CAPN2: variants seen among roughly 807,000 people sequenced by gnomAD.
The protein encoded by CAPN2 is calpain 2.
In CAPN2, 92 loss-of-function variants were observed where a neutral mutation model predicts 102.3. The observed-to-expected ratio is 0.90, with a 90% confidence interval of 0.76 to 1.07. The LOEUF (loss-of-function observed/expected upper bound fraction) is 1.07. CAPN2 is among the 50% of genes least tolerant of loss of function. The probability of loss-of-function intolerance (pLI) is 0.00; values close to 1 mark genes in which losing one functional copy is unlikely to be tolerated. For missense variants in CAPN2, 800 were observed against 909.4 expected (o/e 0.88, Z 1.55); for synonymous variants, 340 against 355.4 (o/e 0.96, Z 0.49).
At chr1:223,712,155 G>A (rs1004579422), upstream of CAPN2, among the ~76,000 whole-genome samples, 2 of 152,232 alleles carry the variant, frequency 1.3e-5, no homozygotes, top group African/African-American at 4.8e-5. Context: ...TTAAGACGCT[G>A]TTTGGCACAA....
chr1:223,712,990 C>T, intron 1 of CAPN2, 113 bp downstream of exon 1: 1 of 731,280 alleles, frequency 1.4e-6, no homozygotes, highest in Non-Finnish European at 1.9e-6. Flanking sequence ...AGTGGGGAAG[C>T]CGCAAGCCAG....
At chr1:223,736,824 C>T (rs932656409) in intron 2 of CAPN2, among the ~76,000 whole-genome samples, 1 of 152,136 alleles carries the variant, frequency 6.6e-6, no homozygotes, top group African/African-American at 2.4e-5. Flanking sequence ...TCAGGAGGAT[C>T]ACTTGAGACC....
At position 223,759,048 on chromosome 1, in the gene CAPN2, A is replaced by T. The variant is rs192864436; in HGVS notation, c.1318-222A>T. On this transcript the variant is annotated intron_variant, in intron 11 of 20. Transcript: ENST00000295006. The surrounding 1 kb of genome is among the most constrained non-coding windows in gnomAD (Gnocchi z 4.6). ...ATTGTCACTGTACTGCTATTTTTTT[A>T]AAAAAATTTTGTTGTTTTGTTGTTG... 1.0e-2 allele frequency: 5,717 copies of T among 572,398 alleles called. 68 individuals are homozygous for T. The highest frequency in any genetic ancestry group is 0.043 in the African/African-American group (2,309 of 53,280). The allele number at this position is 572,398 out of a possible 1,614,324, so 35.5% of individuals were successfully genotyped here. A position where few individuals can be genotyped will look rare whatever the true frequency, so the allele number is the denominator to read the frequency against.
intron 1 of CAPN2, 92 bp downstream of exon 1, chr1:223,712,969 C>G: frequency 1.1e-6 from 1 of 944,648 alleles, no homozygotes; most frequent in Non-Finnish European, 1.4e-6. Flanking sequence ...GGGGGGCAGC[C>G]CGGGTGCTGC....
intron 20 of CAPN2, 84 bp downstream of exon 20, chr1:223,772,323 T>C: frequency 1.6e-6 from 2 of 1,259,902 alleles, no homozygotes; most frequent in East Asian, 2.3e-5. Context: ...GATCTGCTTT[T>C]TCAAGTTTTG....
In CAPN2 at chr1:223,755,808, C is replaced by T. The variant is rs1661021554; in HGVS notation, c.1305+159C>T. Among the ~76,000 whole-genome samples the T allele has an allele frequency of 1.3e-5, 2 of 152,214 alleles. No homozygotes were observed. Among genetic ancestry groups the T allele is most frequent in the South Asian group, 4.1e-4 (2 of 4,830 alleles). ...CCAGCCTGGCCAGGCTCAGGAGTAG[C>T]CCCCGTAGGGAGGCCCCTGCAGTGG... On this transcript the variant is annotated intron_variant, in intron 10 of 20. Transcript: ENST00000295006. This position sits in a 1 kb window ranked among gnomAD's most constrained non-coding sequence, Gnocchi z 4.1.
In CAPN2 at chr1:223,759,097, G is replaced by A; in HGVS notation, c.1318-173G>A. The A allele has an allele frequency of 3.1e-6, 2 of 644,734 alleles. No individual in the cohort carries two copies. Among genetic ancestry groups the A allele is most frequent in the Non-Finnish European group, 5.6e-6 (2 of 356,898 alleles). 39.9% of individuals were successfully genotyped at this position (644,734 alleles called of 1,614,324 possible). On this transcript the variant is annotated intron_variant, in intron 11 of 20. Transcript: ENST00000295006. The surrounding 1 kb of genome is among the most constrained non-coding windows in gnomAD (Gnocchi z 4.6). ...TGTTGTCGTCGTTATATAGATGAGG[G>A]CTTCCTGTGTTGCCCAGGCTGGTTT...
intron 1 of CAPN2, among the ~76,000 whole-genome samples, chr1:223,704,500 G>A (rs4653501): frequency 0.99 from 150,553 of 152,332 alleles, 74,423 homozygotes; most frequent in Middle Eastern, 1. Flanking sequence ...TGTCAGCAAC[G>A]TTTTCCCTAT....
chr1:223,747,942 G>A (rs1660786828), intron 5 of CAPN2, among the ~76,000 whole-genome samples: 1 of 152,336 alleles, frequency 6.6e-6, no homozygotes, highest in East Asian at 1.9e-4. Flanking sequence ...TGTCTGGGGT[G>A]TAATGGATGG....
intron 12 of CAPN2, among the ~76,000 whole-genome samples, chr1:223,761,076 A>G (rs530941871): frequency 2.8e-4 from 43 of 152,290 alleles, no homozygotes; most frequent in African/African-American, 1.0e-3. Context: ...CACCTCTCCA[A>G]CCTGAGGCAG....
chr1:223,712,491 C>T (rs1461438487), upstream of CAPN2: 16 of 1,187,650 alleles, frequency 1.3e-5, no homozygotes, highest in African/African-American at 1.6e-5. Context: ...CCCCGCGGGC[C>T]GGGCCGCTTC....
chr1:223,738,303 A>G (rs1292425494), intron 2 of CAPN2, among the ~76,000 whole-genome samples: 3 of 152,020 alleles, frequency 2.0e-5, no homozygotes, highest in African/African-American at 7.3e-5. Flanking sequence ...GGACGATAGA[A>G]GCATGACACC....
intron 2 of CAPN2, among the ~76,000 whole-genome samples, chr1:223,722,314 G>T (rs1370250889): frequency 1.0e-5 from 1 of 96,012 alleles, no homozygotes; most frequent in African/African-American, 4.0e-5. Flanking sequence ...TTGAGACAGG[G>T]TCTTGCTCTG....
intron 2 of CAPN2, among the ~76,000 whole-genome samples, chr1:223,739,906 G>C (rs1312929848): frequency 9.9e-5 from 15 of 152,162 alleles, no homozygotes; most frequent in Admixed American, 9.8e-4. Context: ...GAGCTAGCTG[G>C]CTTATTTTAT....
In CAPN2 at chr1:223,726,176, C is replaced by G. The variant is rs530134845; in HGVS notation, c.307+8345C>G. On this transcript the variant is annotated intron_variant, in intron 2 of 20. Transcript: ENST00000295006. This position sits in a 1 kb window ranked among gnomAD's most constrained non-coding sequence, Gnocchi z 4.4. ...ATAGATACTGTCTTTGGGCTTCCTC[C>G]AGGAGCTAAGAAAGGAGAGTTCCTG... Among the ~76,000 whole-genome samples the G allele has an allele frequency of 2.6e-5, 4 of 152,300 alleles. No individual in the cohort carries two copies. In the South Asian group the frequency reaches 8.3e-4, roughly 32 times the overall value.
At chr1:223,768,679 T>G (rs891275903) in intron 16 of CAPN2, among the ~76,000 whole-genome samples, 1 of 151,346 alleles carries the variant, frequency 6.6e-6, no homozygotes, top group African/African-American at 2.4e-5. Context: ...GGCTCTTTTT[T>G]GGTTCCATAT....
chr1:223,748,986 C>A, intron 5 of CAPN2, 53 bp from the exon 6 acceptor site: 1 of 1,518,446 alleles, frequency 6.6e-7, no homozygotes, highest in Non-Finnish European at 9.1e-7. Flanking sequence ...GCGAGGGAGT[C>A]CGGGAGGAAG....
chr1:223,768,817 G>A (rs532387950), intron 16 of CAPN2, among the ~76,000 whole-genome samples: 1 of 151,678 alleles, frequency 6.6e-6, no homozygotes, highest in African/African-American at 2.4e-5. Context: ...TCCTACCCAT[G>A]AGCATGGAAT....
intron 1 of CAPN2, among the ~76,000 whole-genome samples, chr1:223,702,682 G>A (rs1659515035): frequency 6.6e-6 from 1 of 152,172 alleles, no homozygotes; most frequent in South Asian, 2.1e-4. Flanking sequence ...GAGAGAAGCA[G>A]CCCGGCCAGT....
Sources: gnomAD v4.1 joint callset for allele counts (sites outside exome capture counted in the v4.1 genomes callset) on GRCh38, gnomAD v4.1.1 for gene constraint, Gnocchi (gnomAD v3.1) non-coding constraint, MANE v1.5 for transcripts, NCBI Gene and HGNC (gene_info 2026-07-23, HGNC 2026-07-21) for gene names.